The following VPS13B variants were observed in gnomAD, a reference collection of about 807,000 sequenced individuals.
The protein encoded by VPS13B is vacuolar protein sorting 13 homolog B, also known as intermembrane lipid transfer protein VPS13B.
In VPS13B, 285 loss-of-function variants were observed where a neutral mutation model predicts 426.4. The observed-to-expected ratio is 0.67, with a 90% CI of 0.61 to 0.74. VPS13B has a LOEUF of 0.74. Among genes scored for constraint, VPS13B ranks in the 30% least tolerant of loss-of-function variants. The pLI is 0.00. For synonymous variants in VPS13B, 1,676 were observed against 1,676.4 expected (o/e 1.00, Z 0.01); for missense variants, 4,537 against 4,782.6 (o/e 0.95, Z 1.51).
At chr8:99,417,659 A>G (rs1029037603) in intron 21 of VPS13B, among the ~76,000 whole-genome samples, 7 of 152,214 alleles carry the variant, frequency 4.6e-5, no homozygotes, top group African/African-American at 1.2e-4. Context: ...ATTGAATTCT[A>G]GAGACATTCA....
intron 40 of VPS13B, among the ~76,000 whole-genome samples, chr8:99,773,730 T>G (rs952381186): frequency 6.6e-6 from 1 of 152,210 alleles, no homozygotes; most frequent in Non-Finnish European, 1.5e-5. Context: ...CCAGGAACTA[T>G]TTTCCAGTTA....
chr8:99,766,844 C>T lies in VPS13B; in HGVS notation c.7121C>T (p.Ser2374Phe), dbSNP rs758361749. The change falls in exon 40 of 62, where the codon TCT becomes TTT. Residue 2374 changes from serine to phenylalanine, a missense_variant. Ser to Phe is a radical substitution (Grantham distance 155). Around this residue, in one of 2 missense-constraint regions of VPS13B, gnomAD observed 4,311 missense variants for 4,474.3 expected, o/e 0.96. Transcript: ENST00000357162. ...VFVAFREFNL[S>F]ESKVCELQLP... ...GTTGCATTTAGAGAATTTAATCTGT[C>T]TGAAAGCAAAGTTTGTGAACTGCAG... is the stretch of plus-strand genomic sequence containing the variant. 6.2e-7 allele frequency: 1 copy of T among 1,613,970 alleles called. No homozygotes were observed. Among genetic ancestry groups the T allele is most frequent in the South Asian group, 1.1e-5 (1 of 91,068 alleles).
intron 39 of VPS13B, among the ~76,000 whole-genome samples, chr8:99,723,091 T>C (rs1353007528): frequency 6.6e-6 from 1 of 152,220 alleles, no homozygotes; most frequent in Admixed American, 6.5e-5. Context: ...GGATGAACTA[T>C]AGCCAGAATG....
At chr8:99,085,031 C>T (rs1393823129) in intron 3 of VPS13B, among the ~76,000 whole-genome samples, 1 of 152,014 alleles carries the variant, frequency 6.6e-6, no homozygotes, top group Non-Finnish European at 1.5e-5. Flanking sequence ...TCTCGTTGAT[C>T]TGTGTGATGT....
At chr8:99,161,908 T>C (rs1811679414) in intron 15 of VPS13B, among the ~76,000 whole-genome samples, 1 of 152,022 alleles carries the variant, frequency 6.6e-6, no homozygotes, top group African/African-American at 2.4e-5. Flanking sequence ...AATTTTTGTA[T>C]TTTTAGTAGA....
intron 35 of VPS13B, among the ~76,000 whole-genome samples, chr8:99,686,054 G>A (rs1474014709): frequency 1.3e-5 from 2 of 152,194 alleles, no homozygotes; most frequent in Non-Finnish European, 2.9e-5. Context: ...GGTCACTGCA[G>A]CCATATCTGC....
intron 43 of VPS13B, among the ~76,000 whole-genome samples, chr8:99,792,184 T>C (rs749481494): frequency 3.9e-5 from 6 of 152,136 alleles, no homozygotes; most frequent in African/African-American, 7.2e-5. Context: ...ATCAACACTC[T>C]TTGGAGCAGT....
chr8:99,745,540 A>C (rs1205278752), intron 39 of VPS13B, among the ~76,000 whole-genome samples: 1 of 152,122 alleles, frequency 6.6e-6, no homozygotes, highest in Admixed American at 6.6e-5. Context: ...TTATAAATTA[A>C]ACTTTATCAT....
At chr8:99,810,447 G>T (rs1387663691) in intron 44 of VPS13B, among the ~76,000 whole-genome samples, 1 of 152,218 alleles carries the variant, frequency 6.6e-6, no homozygotes, top group African/African-American at 2.4e-5. Context: ...TGCCAAGGAG[G>T]AATCAGGAAG....
intron 40 of VPS13B, among the ~76,000 whole-genome samples, chr8:99,772,221 T>A (rs1563910268): frequency 6.6e-6 from 1 of 151,206 alleles, no homozygotes; most frequent in Non-Finnish European, 1.5e-5. Context: ...TTTTTTTTTT[T>A]AAGTTAGATT....
At chr8:99,057,351 T>C (rs1467941986) in intron 3 of VPS13B, among the ~76,000 whole-genome samples, 1 of 152,170 alleles carries the variant, frequency 6.6e-6, no homozygotes, top group Non-Finnish European at 1.5e-5. Flanking sequence ...TTTTCATTTA[T>C]TTTTTGATTC....
At chr8:99,794,159 T>C (rs1184842666) in intron 43 of VPS13B, among the ~76,000 whole-genome samples, 1 of 152,200 alleles carries the variant, frequency 6.6e-6, no homozygotes, top group Non-Finnish European at 1.5e-5. Flanking sequence ...TTTTTAGTCC[T>C]TTTCCCCTAA....
At chr8:99,372,446 G>A (rs1049179350) in intron 19 of VPS13B, among the ~76,000 whole-genome samples, 1 of 152,026 alleles carries the variant, frequency 6.6e-6, no homozygotes, top group African/African-American at 2.4e-5. Flanking sequence ...AATCTACAAG[G>A]AACTTAAACA....
At chr8:99,430,710 C>G (rs1050907685) in intron 21 of VPS13B, among the ~76,000 whole-genome samples, 7 of 151,344 alleles carry the variant, frequency 4.6e-5, no homozygotes, top group Non-Finnish European at 1.0e-4. Flanking sequence ...CCACCCCCCC[C>G]CCAACTTTTT....
At chr8:99,316,530 G>C (rs1180414735) in intron 19 of VPS13B, among the ~76,000 whole-genome samples, 1 of 152,126 alleles carries the variant, frequency 6.6e-6, no homozygotes, top group Non-Finnish European at 1.5e-5. Flanking sequence ...TGAGGGTCAA[G>C]GTTCTCTCTC....
intron 54 of VPS13B, 85 bp from the exon 55 acceptor site, chr8:99,848,690 AT>A: frequency 8.2e-7 from 1 of 1,216,012 alleles, no homozygotes; most frequent in Non-Finnish European, 1.2e-6. Flanking sequence ...GTGGTATTGA[AT>A]CAGAACTGGA....
intron 8 of VPS13B, among the ~76,000 whole-genome samples, chr8:99,127,659 C>A (rs987773899): frequency 7.4e-4 from 112 of 152,256 alleles, no homozygotes; most frequent in African/African-American, 2.6e-3. Context: ...GAAACCTTTG[C>A]ATTCTTAAAA....
At chr8:99,256,715 CT>C (rs1177655276) in intron 17 of VPS13B, among the ~76,000 whole-genome samples, 1 of 151,920 alleles carries the variant, frequency 6.6e-6, no homozygotes, top group Non-Finnish European at 1.5e-5. Context: ...TATTCAAGTC[CT>C]TTGTCCATTT....
At chr8:99,661,631 G>T (rs1020993762) in intron 35 of VPS13B, 140 bp downstream of exon 35, 3 of 1,041,206 alleles carry the variant, frequency 2.9e-6, no homozygotes, top group African/African-American at 1.6e-5. Context: ...TGCTTTTCAG[G>T]CTGCCCATTT....
Sources: allele counts gnomAD v4.1 joint callset (sites outside exome capture counted in the v4.1 genomes callset), GRCh38; gene constraint gnomAD v4.1.1; regional missense constraint gnomAD v4.1.1; transcripts MANE v1.5; gene names NCBI Gene and HGNC (gene_info 2026-07-23, HGNC 2026-07-21).